The following E2F4 variants were observed in gnomAD, a reference collection of about 807,000 sequenced individuals.
The protein encoded by E2F4 is transcription factor E2F4.
E2F4 carries 16 observed loss-of-function variants against 44.5 expected under a neutral mutation model. The observed-to-expected ratio is 0.36, with a 90% confidence interval of 0.24 to 0.55. The LOEUF (loss-of-function observed/expected upper bound fraction) is 0.55. E2F4 is among the 20% of genes least tolerant of loss of function. The pLI is 0.87. For synonymous variants in E2F4, 242 were observed against 207.2 expected, an observed-to-expected ratio of 1.17 and a Z score of -1.44; for missense variants, 473 against 522.1, an observed-to-expected ratio of 0.91 and a Z score of 0.92.
At chr16:67,192,936 G>C in intron 2 of E2F4, 66 bp downstream of exon 2, 1 of 1,566,610 alleles carries the variant, frequency 6.4e-7, no homozygotes. Context: ...GGGGTGGAGG[G>C]TGCCGAAGAA....
intron 1 of E2F4, 149 bp from the exon 2 acceptor site, chr16:67,192,612 A>C: frequency 1.1e-6 from 1 of 927,284 alleles, no homozygotes; most frequent in South Asian, 1.7e-5. Flanking sequence ...AGAGCTGCCT[A>C]TGGGACAGAG....
rs1454874734 is a variant in E2F4, at chr16:67,192,227, G to T, written c.-1G>T. The T allele has an allele frequency of 2.4e-6, 3 of 1,253,786 alleles. No individual in the cohort carries two copies. Among genetic ancestry groups the T allele is most frequent in the Non-Finnish European group, 3.0e-6 (3 of 998,292 alleles). 77.7% of individuals were successfully genotyped at this position (1,253,786 alleles called of 1,614,324 possible). A position where few individuals can be genotyped will look rare whatever the true frequency, so the allele number is the denominator to read the frequency against. Reference sequence around the variant, plus strand: ...CTGAGGGGAGGCGGCGGGCGGGCGCGATGGCGGAGGCCGGGCCACAGGCGC... The same window carrying T: ...CTGAGGGGAGGCGGCGGGCGGGCGCTATGGCGGAGGCCGGGCCACAGGCGC... On this transcript the variant is annotated 5_prime_UTR_variant, in exon 1 of 10. Coordinates refer to ENST00000379378, the MANE Select transcript of E2F4 (RefSeq NM_001950.4).
At position 67,193,134 on chromosome 16, in the gene E2F4, G is replaced by A. The variant is rs762197679; in HGVS notation, c.371G>A (p.Ser124Asn). 9 of 1,574,136 alleles carry A rather than the reference G, an allele frequency of 5.7e-6. No individual in the cohort carries two copies. The highest frequency in any genetic ancestry group is 7.8e-6 in the Non-Finnish European group (9 of 1,159,618). ...LDQHKVWVQQ[S>N]IRNVTEDVQN... The stretch of plus-strand genomic sequence containing the variant: ...CAGCACAAGGTGTGGGTGCAGCAGA[G>A]CATCCGGAACGTCACAGAGGACGTG... The change falls in exon 3 of 10, where the codon AGC becomes AAC. Residue 124 changes from serine to asparagine, a missense_variant. By Grantham distance (46) the Ser-to-Asn change is conservative (BLOSUM62 1). Coordinates refer to ENST00000379378, the MANE Select transcript of E2F4 (RefSeq NM_001950.4).
In E2F4 at chr16:67,193,076, G is replaced by A. The variant is rs1389030539; in HGVS notation, c.313G>A (p.Glu105Lys). ...ACTGATTGAGCTCAAGGCAGAGATC[G>A]AGGAGCTGCAGCAGCGGGAGCAAGA... ...DKLIELKAEI[E>K]ELQQREQELD... The change falls in exon 3 of 10, where the codon GAG (glutamate) becomes AAG (lysine). Residue 105 changes from glutamate (E) to lysine (K), a missense_variant. By Grantham distance (56) the Glu-to-Lys change is moderately conservative. Coordinates refer to ENST00000379378, the MANE Select transcript of E2F4 (RefSeq NM_001950.4). 7 of 1,570,244 alleles carry A rather than the reference G, an allele frequency of 4.5e-6. No individual in the cohort carries two copies. Among genetic ancestry groups the A allele is most frequent in the Non-Finnish European group, 6.0e-6 (7 of 1,157,166 alleles).
chr16:67,195,028 CTG>C (rs772188950), intron 6 of E2F4, 48 bp downstream of exon 6: 2 of 1,581,200 alleles, frequency 1.3e-6, no homozygotes, highest in Non-Finnish European at 1.7e-6. Flanking sequence ...GGTAGTATCT[CTG>C]TGTTGTGGAA....
Position 67,192,275 on chromosome 16 carries a change from C to G in E2F4, c.48C>G (p.Ser16Arg). 1 of 1,330,448 alleles carries G rather than the reference C, an allele frequency of 7.5e-7. No individual in the cohort carries two copies. The highest frequency in any genetic ancestry group is 9.6e-7 in the Non-Finnish European group (1 of 1,036,416). 82.4% of individuals were successfully genotyped at this position (1,330,448 alleles called of 1,614,324 possible). ...CGCCGCCGCCCCCGGGCACTCCAAG[C>G]CGGCACGAAAAGAGCCTGGGACTGC... ...PQAPPPPGTP[S>R]RHEKSLGLLT... The change falls in exon 1 of 10, where the codon AGC (serine) becomes AGG (arginine). Residue 16 changes from serine to arginine, a missense_variant. Transcript: ENST00000379378.
At position 67,192,282 on chromosome 16, in the gene E2F4, G is replaced by A; in HGVS notation, c.55G>A (p.Glu19Lys). 7.5e-7 allele frequency: 1 copy of A among 1,338,848 alleles called. No individual in the cohort carries two copies. Among genetic ancestry groups the A allele is most frequent in the Non-Finnish European group, 9.6e-7 (1 of 1,040,530 alleles). 82.9% of individuals were successfully genotyped at this position (1,338,848 alleles called of 1,614,324 possible). A position where few individuals can be genotyped will look rare whatever the true frequency, so the allele number is the denominator to read the frequency against. ...PPPPGTPSRHEKSLGLLTTKF... is the reference protein window; with the variant it reads ...PPPPGTPSRHKKSLGLLTTKF... ...GCCCCCGGGCACTCCAAGCCGGCAC[G>A]AAAAGAGCCTGGGACTGCTCACCAC... Residue 19 changes from glutamate (E) to lysine (K), a missense_variant, in exon 1 of 10, where the codon GAA becomes AAA. Physicochemically the swap from Glu to Lys is moderately conservative, Grantham distance 56 (BLOSUM62 1). This residue lies in a region of E2F4 where 40 missense variants were observed against 30.8 expected (regional missense o/e 1.30). Coordinates refer to ENST00000379378, the MANE Select transcript of E2F4 (RefSeq NM_001950.4).
At chr16:67,197,555 A>G (rs771564955) in intron 7 of E2F4, 44 bp from the exon 8 acceptor site, 24 of 1,610,376 alleles carry the variant, frequency 1.5e-5, no homozygotes, top group African/African-American at 2.7e-5. Context: ...TAGTGGGGCC[A>G]GGCTGGACCT....
At chr16:67,192,460 C>T (rs1312214629) in intron 1 of E2F4, 98 bp downstream of exon 1, 1 of 1,363,654 alleles carries the variant, frequency 7.3e-7, no homozygotes, top group African/African-American at 1.5e-5. Flanking sequence ...CCTCCGAGAG[C>T]CGGCCGCCAT....
chr16:67,195,811 G>A lies in E2F4; in HGVS notation c.838G>A (p.Asp280Asn), dbSNP rs2032957403. The change falls in exon 7 of 10, where the codon GAC becomes AAC. Residue 280 changes from aspartate to asparagine, a missense_variant. Coordinates refer to ENST00000379378, the MANE Select transcript of E2F4 (RefSeq NM_001950.4). ...VSGGPGTDSK[D>N]SGELSSLPLG... ...TGGCGGCCCTGGGACTGATAGCAAG[G>A]ACAGTGGTGAGCTCAGTTCACTCCC... The A allele has an allele frequency of 6.2e-7, 1 of 1,614,094 alleles. No individual in the cohort carries two copies. Among genetic ancestry groups the A allele is most frequent in the South Asian group, 1.1e-5 (1 of 91,078 alleles).
chr16:67,195,982 C>G lies in E2F4; in HGVS notation c.1009C>G (p.Pro337Ala), dbSNP rs760828806. 2 of 1,614,150 alleles carry G rather than the reference C, an allele frequency of 1.2e-6. No individual in the cohort carries two copies. Among genetic ancestry groups the G allele is most frequent in the East Asian group, 4.5e-5 (2 of 44,874 alleles). ...ACCCAACCCTTCTACCTCCTTTGAGCCCATCAAGGCAGACCCCACAGGTGG... is the reference window on the plus strand; with the variant it reads ...ACCCAACCCTTCTACCTCCTTTGAGGCCATCAAGGCAGACCCCACAGGTGG... ...SGPNPSTSFE[P>A]IKADPTGVLE... is the part of the protein sequence containing the mutation. The change falls in exon 7 of 10, where the codon CCC (proline) becomes GCC (alanine). Residue 337 changes from proline to alanine, a missense_variant. Pro to Ala is a conservative substitution (Grantham distance 27, BLOSUM62 -1). Around this residue, in one of 3 missense-constraint regions of E2F4, gnomAD observed 314 missense variants for 315.6 expected, o/e 0.99. Coordinates refer to ENST00000379378, the MANE Select transcript of E2F4 (RefSeq NM_001950.4).
chr16:67,192,973 TCAG>T, intron 2 of E2F4, 33 bp from the exon 3 acceptor site: 2 of 1,561,062 alleles, frequency 1.3e-6, no homozygotes, highest in Non-Finnish European at 1.7e-6. Flanking sequence ...CCCAGAGTTC[TCAG>T]CAGTCCCTCT....
At chr16:67,197,679 G>T in intron 8 of E2F4, 33 bp downstream of exon 8, 1 of 1,612,884 alleles carries the variant, frequency 6.2e-7, no homozygotes, top group Non-Finnish European at 8.5e-7. Flanking sequence ...GAGGCTAGGG[G>T]TAAGGGACAC....
In E2F4 at chr16:67,194,448, C is replaced by G; in HGVS notation, c.502C>G (p.Pro168Ala). Reference sequence around the variant, plus strand: ...CCCATCAGGCACCAGCCTGGAGGTGCCCATCCCAGAGGTGGGTGCTTAGCC... The same window carrying G: ...CCCATCAGGCACCAGCCTGGAGGTGGCCATCCCAGAGGTGGGTGCTTAGCC... ...RAPSGTSLEV[P>A]IPEGLNGQKK... The change falls in exon 5 of 10, where the codon CCC becomes GCC. Residue 168 changes from proline (P) to alanine (A), a missense_variant. Pro to Ala is a conservative substitution (Grantham distance 27). Transcript: ENST00000379378. 1 of 1,613,970 alleles carries G rather than the reference C, an allele frequency of 6.2e-7. No individual in the cohort carries two copies. The highest frequency in any genetic ancestry group is 8.5e-7 in the Non-Finnish European group (1 of 1,180,022).
chr16:67,193,207 A>C, intron 3 of E2F4, 37 bp downstream of exon 3: 1 of 1,549,024 alleles, frequency 6.5e-7, no homozygotes, highest in Admixed American at 2.0e-5. Flanking sequence ...GGGAGTGGGC[A>C]AGGGGCCCTC....
Position 67,197,923 on chromosome 16 carries a change from T to C in E2F4, c.1126+12T>C. The C allele has an allele frequency of 6.2e-7, 1 of 1,614,040 alleles. No homozygotes were observed. Among genetic ancestry groups the C allele is most frequent in the South Asian group, 1.1e-5 (1 of 91,072 alleles). On this transcript the variant is annotated intron_variant, in intron 9 of 9. Coordinates refer to ENST00000379378, the MANE Select transcript of E2F4 (RefSeq NM_001950.4). The stretch of plus-strand genomic sequence containing the variant: ...GATGTCCTCAGAAGGTGGGTGGCCC[T>C]GGAAGGTGGGAGTGGGTGTGGGCAG...
chr16:67,195,562 C>T, intron 6 of E2F4: 1 of 958,510 alleles, frequency 1.0e-6, no homozygotes, highest in Admixed American at 2.8e-5. Flanking sequence ...ATGGCCACAG[C>T]AGACATGTTG....
rs1451757767 is a variant in E2F4 at position 67,194,910 on chromosome 16, G to C, written c.738G>C (p.Gln246His). Residue 246 changes from glutamine (Q) to histidine (H), a missense_variant, in exon 6 of 10, where the codon CAG becomes CAC. This residue lies in a region of E2F4 where 314 missense variants were observed against 315.6 expected (regional missense o/e 0.99). Transcript: ENST00000379378. ...AAGCCTCACGTCCAAATAGTCCTCAGCTCACTCCCACTGCTGTCCCTGGCA... is the reference window on the plus strand; with the variant it reads ...AAGCCTCACGTCCAAATAGTCCTCACCTCACTCCCACTGCTGTCCCTGGCA... ...SQEASRPNSP[Q>H]LTPTAVPGSA... 2 of 1,614,162 alleles carry C rather than the reference G, an allele frequency of 1.2e-6. No individual in the cohort carries two copies. Among genetic ancestry groups the C allele is most frequent in the East Asian group, 2.2e-5 (1 of 44,882 alleles).
In E2F4 at chr16:67,192,165, G is replaced by T. The variant is rs1332054366; in HGVS notation, c.-63G>T. 4.7e-5 allele frequency: 56 copies of T among 1,196,648 alleles called. No individual in the cohort carries two copies. The highest frequency in any genetic ancestry group is 5.7e-5 in the Non-Finnish European group (55 of 964,620). The allele number at this position is 1,196,648 out of a possible 1,614,324, so 74.1% of individuals were successfully genotyped here. A position where few individuals can be genotyped will look rare whatever the true frequency, so the allele number is the denominator to read the frequency against. On this transcript the variant is annotated 5_prime_UTR_variant, in exon 1 of 10. Coordinates refer to ENST00000379378, the MANE Select transcript of E2F4 (RefSeq NM_001950.4). ...GGCTGCCCGGCGGCCAGGAACGGAA[G>T]CGGAAGTGGCGGCGGCGCCGGCCTG...
Sources: allele counts gnomAD v4.1 joint callset, GRCh38; gene constraint gnomAD v4.1.1; regional missense constraint gnomAD v4.1.1; transcripts MANE v1.5; gene names NCBI Gene and HGNC (gene_info 2026-07-23, HGNC 2026-07-21).